PARP14: variants seen among roughly 807,000 people sequenced by gnomAD.
The protein encoded by PARP14 is protein mono-ADP-ribosyltransferase PARP14.
Under a neutral mutation model 154.2 loss-of-function variants are expected in PARP14, and 59 were observed. That is an observed-to-expected ratio of 0.38 (90% CI 0.31 to 0.48). The LOEUF is 0.48. Ranked by LOEUF, PARP14 falls within the 20% of genes least tolerant of loss-of-function variation. PARP14 has a pLI of 0.98. For synonymous variants in PARP14, 720 were observed against 780.5 expected, an observed-to-expected ratio of 0.92 and a Z score of 1.29; for missense variants, 1,734 against 2,131.6, an observed-to-expected ratio of 0.81 and a Z score of 3.67.
intron 8 of PARP14, among the ~76,000 whole-genome samples, chr3:122,705,422 AT>A (rs1939124607): frequency 6.6e-6 from 1 of 152,256 alleles, no homozygotes; most frequent in Non-Finnish European, 1.5e-5. Flanking sequence ...CAATAGGAAG[AT>A]GTCAGAAGGT....
intron 7 of PARP14, 68 bp downstream of exon 7, chr3:122,704,046 T>G: frequency 2.0e-6 from 2 of 996,168 alleles, no homozygotes; most frequent in Non-Finnish European, 3.2e-6. Context: ...AGTAGCATAT[T>G]AATTGGACAT....
At chr3:122,712,249 T>C (rs1939345960) in intron 9 of PARP14, among the ~76,000 whole-genome samples, 1 of 151,748 alleles carries the variant, frequency 6.6e-6, no homozygotes, top group South Asian at 2.1e-4. Flanking sequence ...TCTTTTTTTT[T>C]TTTTTTCTTT....
At chr3:122,685,545 T>C (rs542609667) in intron 2 of PARP14, among the ~76,000 whole-genome samples, 7 of 150,954 alleles carry the variant, frequency 4.6e-5, no homozygotes, top group Non-Finnish European at 3.0e-5. Flanking sequence ...AGTCTCGCTC[T>C]GTCAACCAGG....
At chr3:122,697,032 G>A (rs573544084) in intron 5 of PARP14, among the ~76,000 whole-genome samples, 2 of 152,198 alleles carry the variant, frequency 1.3e-5, no homozygotes, top group Non-Finnish European at 2.9e-5. Context: ...GCTCACTGCA[G>A]CATCAGCCTC....
In PARP14 at chr3:122,700,202, A is replaced by G. The variant is rs1316712118; in HGVS notation, c.1648A>G (p.Asn550Asp). The G allele has an allele frequency of 6.2e-7, 1 of 1,611,762 alleles. No homozygotes were observed. The highest frequency in any genetic ancestry group is 1.3e-5 in the African/African-American group (1 of 74,910). ...GATTTTTCAGTTTTTGCAACAGGTA[A>G]ACTGGAAAGAATTCTCTAAGTGTCT... is the stretch of plus-strand genomic sequence containing the variant. ...PEIFQFLQQV[N>D]WKEFSKCLFI... is the part of the protein sequence containing the mutation. Residue 550 changes from asparagine to aspartate, a missense_variant, in exon 6 of 17, where the codon AAC becomes GAC. This residue lies in a region of PARP14 where 1,646 missense variants were observed against 1,976.0 expected (regional missense o/e 0.83). Coordinates refer to ENST00000474629, the MANE Select transcript of PARP14 (RefSeq NM_017554.3).
In PARP14 at chr3:122,704,034, T is replaced by G. The variant is rs548807798; in HGVS notation, c.3318+56T>G. 65 of 1,142,938 alleles carry G rather than the reference T, an allele frequency of 5.7e-5. No individual in the cohort carries two copies. The African/African-American group carries it at 8.8e-4, about 15-fold the overall frequency. 70.8% of individuals were successfully genotyped at this position (1,142,938 alleles called of 1,614,324 possible). The stretch of plus-strand genomic sequence containing the variant: ...TTGGGTAGCCCTTTGGGTTCTCCTT[T>G]TAGTAGCATATTAATTGGACATAGA... On this transcript the variant is annotated intron_variant, in intron 7 of 16. Coordinates refer to ENST00000474629, the MANE Select transcript of PARP14 (RefSeq NM_017554.3).
intron 12 of PARP14, among the ~76,000 whole-genome samples, chr3:122,716,304 C>T (rs969553392): frequency 6.6e-5 from 10 of 152,184 alleles, no homozygotes; most frequent in South Asian, 2.1e-4. Context: ...TCCCCAATCA[C>T]GTGAAAAACA....
rs1390881846 is a variant in PARP14, at chr3:122,701,321, T to C, written c.2767T>C (p.Ser923Pro). The C allele has an allele frequency of 1.5e-5, 25 of 1,613,898 alleles. No homozygotes were observed. The highest frequency in any genetic ancestry group is 2.1e-5 in the Non-Finnish European group (25 of 1,179,884). ...YRSIAIPAIS[S>P]GVFGFPLGRC... is the part of the protein sequence containing the mutation. ...ATCCATAGCCATCCCAGCTATTAGTTCTGGAGTCTTTGGCTTTCCCTTAGG... is the reference window on the plus strand; with the variant it reads ...ATCCATAGCCATCCCAGCTATTAGTCCTGGAGTCTTTGGCTTTCCCTTAGG... The change falls in exon 6 of 17, where the codon TCT becomes CCT. Residue 923 changes from serine (S) to proline (P), a missense_variant. By Grantham distance (74) the Ser-to-Pro change is moderately conservative. Around this residue, in one of 2 missense-constraint regions of PARP14, gnomAD observed 1,646 missense variants for 1,976.0 expected, o/e 0.83. Coordinates refer to ENST00000474629, the MANE Select transcript of PARP14 (RefSeq NM_017554.3). This position sits in a 1 kb window ranked among gnomAD's most constrained non-coding sequence, Gnocchi z 4.0.
At chr3:122,705,329 T>G (rs1939119775) in intron 8 of PARP14, among the ~76,000 whole-genome samples, 1 of 152,210 alleles carries the variant, frequency 6.6e-6, no homozygotes, top group Admixed American at 6.5e-5. Flanking sequence ...GCCCACATAT[T>G]GCAATGGAGT....
intron 9 of PARP14, among the ~76,000 whole-genome samples, chr3:122,711,008 T>C (rs916683947): frequency 3.3e-5 from 5 of 152,096 alleles, no homozygotes; most frequent in Admixed American, 2.6e-4. Context: ...TAGGATTTTC[T>C]AGTATACAAT....
intron 15 of PARP14, chr3:122,722,319 G>C (rs554342982): frequency 6.6e-5 from 10 of 152,294 alleles, no homozygotes; most frequent in African/African-American, 2.4e-4. Flanking sequence ...GCAGCTCTAT[G>C]ATGGTCTATT....
chr3:122,688,937 A>G (rs1013051629), intron 3 of PARP14, among the ~76,000 whole-genome samples: 3 of 152,332 alleles, frequency 2.0e-5, no homozygotes, highest in Admixed American at 2.0e-4. Context: ...AGGTGAAGTC[A>G]GCACTGAGCT....
chr3:122,727,802 T>C lies in PARP14; in HGVS notation c.4942-10T>C, dbSNP rs1933325474. 6.4e-7 allele frequency: 1 copy of C among 1,574,628 alleles called. No homozygotes were observed. The highest frequency in any genetic ancestry group is 1.4e-5 in the African/African-American group (1 of 73,178). On this transcript the variant is annotated splice_polypyrimidine_tract_variant and intron_variant, in intron 15 of 16. Transcript: ENST00000474629. ...GAACTGGCAGAATATTATCCTTTAT[T>C]AATTTGCAGATTGAGAGGATCCAGA...
At chr3:122,702,542 G>A (rs866833711) in intron 6 of PARP14, among the ~76,000 whole-genome samples, 3 of 152,138 alleles carry the variant, frequency 2.0e-5, no homozygotes, top group Non-Finnish European at 2.9e-5. Context: ...TTTTTGACAT[G>A]CATGTTCTCA....
In PARP14 at chr3:122,729,434, C is replaced by CT. The variant is rs35035581; in HGVS notation, c.*854dup. ...TTTTTAATGCTGAACCAAAATGTGC[C>CT]TTTTTTTTTTTTTTTTTGAGATGGA... On this transcript the variant is annotated 3_prime_UTR_variant, in exon 17 of 17. Coordinates refer to ENST00000474629, the MANE Select transcript of PARP14 (RefSeq NM_017554.3). The CT allele has an allele frequency of 0.21, 27,485 of 133,808 alleles. 3,327 individuals are homozygous for CT. The highest frequency in any genetic ancestry group is 0.27 in the Non-Finnish European group (17,203 of 63,836). The allele number at this position is 133,808 out of a possible 1,614,324, so 8.3% of individuals were successfully genotyped here. A position where few individuals can be genotyped will look rare whatever the true frequency, so the allele number is the denominator to read the frequency against.
At position 122,720,407 on chromosome 3, in the gene PARP14, T is replaced by C. The variant is rs759444159; in HGVS notation, c.4941+19T>C. 3 of 1,609,852 alleles carry C rather than the reference T, an allele frequency of 1.9e-6. No individual in the cohort carries two copies. The highest frequency in any genetic ancestry group is 2.5e-6 in the Non-Finnish European group (3 of 1,177,504). On this transcript the variant is annotated intron_variant, in intron 15 of 16. Coordinates refer to ENST00000474629, the MANE Select transcript of PARP14 (RefSeq NM_017554.3). ...AGAGAAGGTAAGCCTTCTGCTAGAA[T>C]GCAGTTTCTGGATGGTGGAAATAAG...
At position 122,701,175 on chromosome 3, in the gene PARP14, A is replaced by G; in HGVS notation, c.2621A>G (p.Tyr874Cys). 1.2e-6 allele frequency: 2 copies of G among 1,613,848 alleles called. No individual in the cohort carries two copies. Among genetic ancestry groups the G allele is most frequent in the Admixed American group, 1.7e-5 (1 of 59,986 alleles). ...ATISKAGKLP[Y>C]HHVIHAVGPR... ...ATCTCCAAGGCAGGAAAGCTGCCCT[A>G]CCACCACGTGATCCATGCAGTGGGG... Residue 874 changes from tyrosine to cysteine, a missense_variant, in exon 6 of 17, where the codon TAC (tyrosine) becomes TGC (cysteine). This residue lies in a region of PARP14 where 1,646 missense variants were observed against 1,976.0 expected (regional missense o/e 0.83). Coordinates refer to ENST00000474629, the MANE Select transcript of PARP14 (RefSeq NM_017554.3). This position sits in a 1 kb window ranked among gnomAD's most constrained non-coding sequence, Gnocchi z 4.0.
chr3:122,698,201 A>T (rs1938840130), intron 5 of PARP14, among the ~76,000 whole-genome samples: 1 of 152,234 alleles, frequency 6.6e-6, no homozygotes, highest in Non-Finnish European at 1.5e-5. Context: ...TCTGAAGGCC[A>T]CTGCTTTTCC....
Position 122,701,079 on chromosome 3 carries a change from G to A in PARP14, c.2525G>A (p.Gly842Asp), listed in dbSNP as rs777827357. 1 of 1,613,874 alleles carries A rather than the reference G, an allele frequency of 6.2e-7. No individual in the cohort carries two copies. The highest frequency in any genetic ancestry group is 1.3e-5 in the African/African-American group (1 of 74,938). The stretch of plus-strand genomic sequence containing the variant: ...GCCGCTGCGCTCTCAAAAGCAGCTG[G>A]CCCTGAGCTCCAGGCCGACTGTGAC... ...GLAAALSKAA[G>D]PELQADCDQI... The change falls in exon 6 of 17, where the codon GGC (glycine) becomes GAC (aspartate). Residue 842 changes from glycine to aspartate, a missense_variant. Gly to Asp is a moderately conservative substitution (Grantham distance 94). Coordinates refer to ENST00000474629, the MANE Select transcript of PARP14 (RefSeq NM_017554.3). The surrounding 1 kb of genome is among the most constrained non-coding windows in gnomAD (Gnocchi z 4.0).
Sources: allele counts gnomAD v4.1 joint callset (sites outside exome capture counted in the v4.1 genomes callset), GRCh38; gene constraint gnomAD v4.1.1; regional missense constraint gnomAD v4.1.1; non-coding constraint Gnocchi (gnomAD v3.1); transcripts MANE v1.5; gene names NCBI Gene and HGNC (gene_info 2026-07-23, HGNC 2026-07-21).